Variants in LIMS4 observed in about 807,000 individuals in gnomAD.
LIMS4 encodes the protein LIM zinc finger domain containing 4.
At chr2:110,409,933 CCA>C in the LIMS4 span, among the ~76,000 whole-genome samples, 1 of 67,120 alleles carries the variant, frequency 1.5e-5, no homozygotes, top group Non-Finnish European at 3.2e-5. Context: ...ACCAAAATGT[CCA>C]CAGACAGGTG....
At chr2:110,411,486 C>T in the LIMS4 span, among the ~76,000 whole-genome samples, 1 of 136,686 alleles carries the variant, frequency 7.3e-6, no homozygotes, top group African/African-American at 3.3e-5. Context: ...TGGCAAAGAT[C>T]TTTTAAGGCC....
At chr2:110,365,930 G>T in the LIMS4 span, among the ~76,000 whole-genome samples, 92 of 149,824 alleles carry the variant, frequency 6.1e-4, 2 homozygotes, top group African/African-American at 2.2e-3. Flanking sequence ...CCTACAAAAT[G>T]TGGAAAAATT....
the LIMS4 span, chr2:110,383,082 G>A: frequency 2.2e-5 from 1 of 45,458 alleles, no homozygotes; most frequent in Non-Finnish European, 3.8e-5. Flanking sequence ...GCCACGGCCA[G>A]GCCTGGTGCC....
chr2:110,368,891 G>T, the LIMS4 span, among the ~76,000 whole-genome samples: 5 of 142,820 alleles, frequency 3.5e-5, no homozygotes, highest in Non-Finnish European at 7.5e-5. Context: ...TGTATGTAAA[G>T]GTTTTTTTTT....
the LIMS4 span, chr2:110,397,324 TGATA>T: frequency 4.1e-5 from 6 of 145,102 alleles, no homozygotes; most frequent in South Asian, 1.3e-3. Flanking sequence ...TTTACTATTA[TGATA>T]GATAATAGAA....
At chr2:110,390,521 G>T in the LIMS4 span, among the ~76,000 whole-genome samples, 1 of 140,354 alleles carries the variant, frequency 7.1e-6, no homozygotes. Flanking sequence ...TCCTTCTTTG[G>T]ATGCAGTGCA....
At chr2:110,391,251 A>G in the LIMS4 span, among the ~76,000 whole-genome samples, 1 of 147,348 alleles carries the variant, frequency 6.8e-6, no homozygotes, top group Admixed American at 6.7e-5. Flanking sequence ...CGCCCGTAAC[A>G]ATGGGCGCTC....
the LIMS4 span, among the ~76,000 whole-genome samples, chr2:110,390,313 C>T: frequency 2.1e-5 from 3 of 141,230 alleles, no homozygotes; most frequent in Non-Finnish European, 4.5e-5. Flanking sequence ...GTGGGAGCCT[C>T]AGGTCCTCCT....
chr2:110,390,210 T>A, the LIMS4 span, among the ~76,000 whole-genome samples: 1 of 138,268 alleles, frequency 7.2e-6, no homozygotes, highest in Non-Finnish European at 1.5e-5. Flanking sequence ...CTGGAGTTCC[T>A]TCTGAGCAGA....
chr2:110,376,125 C>T, the LIMS4 span: 1 of 125,580 alleles, frequency 8.0e-6, no homozygotes, highest in African/African-American at 4.4e-5. Flanking sequence ...AAGCCAGCAA[C>T]AGCAGGTGAA....
the LIMS4 span, among the ~76,000 whole-genome samples, chr2:110,425,058 C>T: frequency 3.5e-5 from 5 of 142,820 alleles, 1 homozygote; most frequent in African/African-American, 8.8e-5. Flanking sequence ...AACCTTGCTA[C>T]TGCAGGGTCC....
the LIMS4 span, among the ~76,000 whole-genome samples, chr2:110,366,439 A>T: frequency 3.3e-5 from 5 of 152,152 alleles, no homozygotes; most frequent in East Asian, 5.8e-4. Context: ...GAAAACAAAA[A>T]CCACATAATC....
the LIMS4 span, among the ~76,000 whole-genome samples, chr2:110,425,275 C>G: frequency 2.1e-5 from 3 of 142,810 alleles, 1 homozygote; most frequent in Middle Eastern, 6.8e-3. Context: ...GTGGGCTAGT[C>G]TAGGCAGAGA....
At chr2:110,401,593 AG>A in the LIMS4 span, among the ~76,000 whole-genome samples, 1 of 141,010 alleles carries the variant, frequency 7.1e-6, no homozygotes, top group African/African-American at 2.9e-5. Context: ...TGGAATAAAG[AG>A]TAATGTTAAC....
the LIMS4 span, among the ~76,000 whole-genome samples, chr2:110,425,076 C>T: frequency 7.0e-6 from 1 of 142,598 alleles, no homozygotes; most frequent in Non-Finnish European, 1.5e-5. Flanking sequence ...TCCCTGCCAT[C>T]TTTAAGAGCT....
chr2:110,453,765 G>C (rs1396035652), intron 5 of LIMS4, among the ~76,000 whole-genome samples: 1 of 146,378 alleles, frequency 6.8e-6, no homozygotes, highest in African/African-American at 2.6e-5. Flanking sequence ...GGATGGTCTC[G>C]ATCTCCTGTC....
chr2:110,424,941 A>G, the LIMS4 span, among the ~76,000 whole-genome samples: 4 of 143,898 alleles, frequency 2.8e-5, no homozygotes, highest in Admixed American at 2.1e-4. Flanking sequence ...GGAACATGGG[A>G]GGGGCCAATA....
At chr2:110,378,773 T>C in the LIMS4 span, among the ~76,000 whole-genome samples, 1 of 113,686 alleles carries the variant, frequency 8.8e-6, no homozygotes, top group Non-Finnish European at 1.7e-5. Flanking sequence ...CTATTGAGTA[T>C]GTATATGTAG....
chr2:110,391,312 G>T, the LIMS4 span, among the ~76,000 whole-genome samples: 2 of 137,070 alleles, frequency 1.5e-5, no homozygotes, highest in Admixed American at 7.2e-5. Flanking sequence ...TGGTCTCTCA[G>T]GGGGCTGGAC....
Sources: allele counts gnomAD v4.1 joint callset (sites outside exome capture counted in the v4.1 genomes callset), GRCh38; gene constraint gnomAD v4.1.1; transcripts MANE v1.5; gene names NCBI Gene and HGNC (gene_info 2026-07-23, HGNC 2026-07-21).